Variants in NRXN3 observed in about 807,000 individuals in gnomAD.
NRXN3 encodes neurexin III.
In NRXN3, 32 loss-of-function variants were observed where a neutral mutation model predicts 137.6. That is an observed-to-expected ratio of 0.23 (90% CI 0.18 to 0.31). The LOEUF is 0.31. Among genes scored for constraint, NRXN3 ranks in the 10% least tolerant of loss-of-function variants. NRXN3 has a pLI of 1.00. For missense variants in NRXN3, 1,574 were observed against 2,062.5 expected, an observed-to-expected ratio of 0.76 and a Z score of 4.59; for synonymous variants, 798 against 784.5, an observed-to-expected ratio of 1.02 and a Z score of -0.29.
intron 16 of NRXN3, among the ~76,000 whole-genome samples, chr14:79,551,140 A>T (rs1046594981): frequency 6.6e-6 from 1 of 152,210 alleles, no homozygotes; most frequent in African/African-American, 2.4e-5. Context: ...GATTGTTAAG[A>T]GAAGTTTCCT....
intron 15 of NRXN3, among the ~76,000 whole-genome samples, chr14:79,121,987 C>T (rs2055524388): frequency 6.6e-6 from 1 of 152,152 alleles, no homozygotes; most frequent in African/African-American, 2.4e-5. Context: ...ATGCCACAAA[C>T]TTTGTGCCTT....
intron 15 of NRXN3, among the ~76,000 whole-genome samples, chr14:79,070,649 C>T (rs2152708744): frequency 6.6e-6 from 1 of 152,266 alleles, no homozygotes; most frequent in African/African-American, 2.4e-5. Flanking sequence ...ATTTTCCTTA[C>T]TATTATTCTA....
chr14:79,380,442 G>A (rs2094439300), intron 15 of NRXN3, among the ~76,000 whole-genome samples: 2 of 149,484 alleles, frequency 1.3e-5, no homozygotes, highest in African/African-American at 2.5e-5. Context: ...GTGAGAACAT[G>A]CGGTGTTCGG....
intron 16 of NRXN3, among the ~76,000 whole-genome samples, chr14:79,484,413 C>T (rs540400396): frequency 2.1e-4 from 32 of 152,248 alleles, no homozygotes; most frequent in Middle Eastern, 3.4e-3. Flanking sequence ...CCTCCTCCAA[C>T]GCACAAATAT....
chr14:79,367,055 C>T (rs974858997), intron 15 of NRXN3, among the ~76,000 whole-genome samples: 3 of 138,468 alleles, frequency 2.2e-5, no homozygotes, highest in African/African-American at 8.0e-5. Flanking sequence ...GCATTCTTGG[C>T]TCACTGCAAG....
intron 20 of NRXN3, among the ~76,000 whole-genome samples, chr14:79,848,512 ATTC>A (rs2099385155): frequency 6.6e-6 from 1 of 152,090 alleles, no homozygotes; most frequent in South Asian, 2.1e-4. Flanking sequence ...GCCCAAGACA[ATTC>A]TTCTTCCACT....
chr14:79,382,154 T>C (rs1323704536), intron 15 of NRXN3, among the ~76,000 whole-genome samples: 1 of 152,144 alleles, frequency 6.6e-6, no homozygotes, highest in Admixed American at 6.5e-5. Flanking sequence ...TGAATATAGG[T>C]AAAGCACGTA....
chr14:78,589,817 C>T (rs1600935160), intron 4 of NRXN3, among the ~76,000 whole-genome samples: 1 of 152,102 alleles, frequency 6.6e-6, no homozygotes, highest in Non-Finnish European at 1.5e-5. Context: ...CTGCCAAGAG[C>T]AGGAGAGCCA....
chr14:78,308,394 C>G (rs942004505), intron 4 of NRXN3, among the ~76,000 whole-genome samples: 1 of 152,060 alleles, frequency 6.6e-6, no homozygotes, highest in Non-Finnish European at 1.5e-5. Context: ...TAGTCAAGAC[C>G]ATAGAACTGA....
chr14:79,365,727 A>G lies in NRXN3; in HGVS notation c.3263-101494A>G, dbSNP rs1308949811. Among the ~76,000 whole-genome samples the G allele has an allele frequency of 4.1e-4, 57 of 140,226 alleles. 2 individuals carry two copies. The highest frequency in any genetic ancestry group is 6.2e-4 in the Non-Finnish European group (40 of 64,540). 92.0% of individuals were successfully genotyped at this position (140,226 alleles called of 152,430 possible). ...GGCGACAGAGCGAGACTCTGTCTCA[A>G]AAAAAAAAAAAAAAAAAGAAAAAAA... On this transcript the variant is annotated intron_variant, in intron 15 of 20. Transcript: ENST00000335750.
chr14:78,796,192 G>A (rs924037593), intron 8 of NRXN3, among the ~76,000 whole-genome samples: 3 of 152,200 alleles, frequency 2.0e-5, no homozygotes, highest in South Asian at 2.1e-4. Flanking sequence ...ATAATAATGC[G>A]TGTCCAATTG....
intron 16 of NRXN3, among the ~76,000 whole-genome samples, chr14:79,603,883 T>C (rs1319432782): frequency 1.3e-5 from 2 of 151,630 alleles, no homozygotes; most frequent in Non-Finnish European, 2.9e-5. Flanking sequence ...TGAAAAATTC[T>C]TAGAACAATC....
At chr14:79,768,243 A>G (rs374199249) in intron 19 of NRXN3, among the ~76,000 whole-genome samples, 7 of 152,242 alleles carry the variant, frequency 4.6e-5, no homozygotes, top group African/African-American at 7.2e-5. Flanking sequence ...CAAAGCAGCC[A>G]GGAAGCTCCA....
intron 4 of NRXN3, among the ~76,000 whole-genome samples, chr14:78,429,270 G>A (rs1443636468): frequency 2.0e-5 from 3 of 151,292 alleles, no homozygotes; most frequent in African/African-American, 7.3e-5. Flanking sequence ...GTAGAGATGG[G>A]GTTTTGCTAT....
intron 17 of NRXN3, among the ~76,000 whole-genome samples, chr14:79,684,928 G>A (rs1567884429): frequency 6.6e-6 from 1 of 152,122 alleles, no homozygotes; most frequent in Non-Finnish European, 1.5e-5. Flanking sequence ...GATCACAGGG[G>A]AAAGAGTGAG....
At chr14:78,736,688 T>C (rs183730524) in intron 8 of NRXN3, among the ~76,000 whole-genome samples, 1 of 152,328 alleles carries the variant, frequency 6.6e-6, no homozygotes, top group East Asian at 1.9e-4. Context: ...AAGTGCCTAT[T>C]CTGTTTCAGG....
intron 10 of NRXN3, among the ~76,000 whole-genome samples, chr14:78,948,808 C>T (rs145271045): frequency 3.4e-4 from 52 of 152,146 alleles, no homozygotes; most frequent in Non-Finnish European, 6.8e-4. Context: ...CTTTACCCAG[C>T]CTCACCCTAG....
intron 19 of NRXN3, among the ~76,000 whole-genome samples, chr14:79,726,409 T>C (rs1002944120): frequency 1.3e-5 from 2 of 152,170 alleles, no homozygotes; most frequent in African/African-American, 4.8e-5. Flanking sequence ...TACTAACAAT[T>C]TGGCTAGCAG....
At chr14:78,179,834 G>GTTTTTTTTTTTTTTTTTTTTTTCTTT (rs1325344906) in intron 1 of NRXN3, among the ~76,000 whole-genome samples, 4 of 111,394 alleles carry the variant, frequency 3.6e-5, no homozygotes, top group Non-Finnish European at 5.6e-5. Context: ...GTTTGTTTCT[G>GTTTTTTTTTTTTTTTTTTTTTTCTTT]TTTTTTTGTT....
Sources: gnomAD v4.1 joint callset for allele counts (sites outside exome capture counted in the v4.1 genomes callset) on GRCh38, gnomAD v4.1.1 for gene constraint, MANE v1.5 for transcripts, NCBI Gene and HGNC (gene_info 2026-07-23, HGNC 2026-07-21) for gene names.